The following COL23A1 variants were observed in gnomAD, a reference collection of about 807,000 sequenced individuals.
COL23A1 encodes collagen type XXIII alpha 1 chain.
Under a neutral mutation model 99.3 loss-of-function variants are expected in COL23A1, and 97 were observed. The observed-to-expected ratio is 0.98, with a 90% CI of 0.83 to 1.16. The LOEUF (loss-of-function observed/expected upper bound fraction) is 1.16, where lower values mean the gene tolerates loss of function less well. Among genes scored for constraint, COL23A1 ranks in the 50% most tolerant of loss-of-function variants. COL23A1 has a pLI of 0.00. For missense variants in COL23A1, 762 were observed against 757.4 expected (o/e 1.01, Z -0.07); for synonymous variants, 320 against 308.2 (o/e 1.04, Z -0.40).
intron 2 of COL23A1, among the ~76,000 whole-genome samples, chr5:178,369,202 G>C (rs2910116): frequency 0.046 from 6,953 of 152,212 alleles, 161 homozygotes; most frequent in Middle Eastern, 0.075. Context: ...TGTGTATCTT[G>C]TCCTGTCCAG....
chr5:178,586,064 C>T (rs11952857), intron 1 of COL23A1, among the ~76,000 whole-genome samples: 4,098 of 152,290 alleles, frequency 0.027, 122 homozygotes, highest in African/African-American at 0.069. Flanking sequence ...CATAGGTTCA[C>T]AGCTGCAGCA....
chr5:178,357,848 AATGTGT>A (rs905272667), intron 2 of COL23A1, among the ~76,000 whole-genome samples: 5 of 145,296 alleles, frequency 3.4e-5, no homozygotes, highest in East Asian at 4.1e-4. Flanking sequence ...GTGTATGTCT[AATGTGT>A]ATGTGTATGT....
At chr5:178,296,604 G>A (rs1476378133) in intron 3 of COL23A1, among the ~76,000 whole-genome samples, 3 of 152,076 alleles carry the variant, frequency 2.0e-5, no homozygotes, top group African/African-American at 7.2e-5. Context: ...TGTGTACTGA[G>A]CTTCCCCAGA....
intron 2 of COL23A1, among the ~76,000 whole-genome samples, chr5:178,450,196 G>C (rs1182172956): frequency 6.6e-6 from 1 of 152,210 alleles, no homozygotes; most frequent in Non-Finnish European, 1.5e-5. Flanking sequence ...ACCTGGTGTA[G>C]GTGAGAAGTG....
intron 2 of COL23A1, among the ~76,000 whole-genome samples, chr5:178,514,785 G>A (rs1013859506): frequency 2.6e-5 from 4 of 152,204 alleles, no homozygotes; most frequent in East Asian, 1.9e-4. Flanking sequence ...AACTAGTCAC[G>A]TTTTCCCAGG....
At chr5:178,336,762 T>TAA (rs1760343358) in intron 2 of COL23A1, among the ~76,000 whole-genome samples, 1 of 152,250 alleles carries the variant, frequency 6.6e-6, no homozygotes, top group Non-Finnish European at 1.5e-5. Flanking sequence ...AGAATCCAGC[T>TAA]AATAGTTCGT....
intron 2 of COL23A1, among the ~76,000 whole-genome samples, chr5:178,484,229 T>A (rs1340327835): frequency 2.0e-5 from 3 of 152,148 alleles, no homozygotes; most frequent in African/African-American, 7.2e-5. Flanking sequence ...CAACCAAGAT[T>A]TTCAAAAGAA....
intron 2 of COL23A1, among the ~76,000 whole-genome samples, chr5:178,444,078 T>C (rs921181266): frequency 6.6e-6 from 1 of 152,106 alleles, no homozygotes; most frequent in East Asian, 1.9e-4. Context: ...GGCACATTCC[T>C]GTCTGTAGTC....
At chr5:178,506,064 C>T (rs571345204) in intron 2 of COL23A1, among the ~76,000 whole-genome samples, 71 of 152,256 alleles carry the variant, frequency 4.7e-4, no homozygotes, top group Admixed American at 1.4e-3. Context: ...GCAGCAGAGC[C>T]GGTGAAGCAC....
intron 2 of COL23A1, among the ~76,000 whole-genome samples, chr5:178,405,781 T>C (rs147241799): frequency 1.3e-5 from 2 of 152,282 alleles, no homozygotes; most frequent in Non-Finnish European, 2.9e-5. Flanking sequence ...TGGAAGAATA[T>C]AGTAAAGAGA....
intron 2 of COL23A1, among the ~76,000 whole-genome samples, chr5:178,403,136 A>AAAAAAAAAAAAAAAAAAAAAAAAAAAAC (rs1764560519): frequency 6.9e-6 from 1 of 145,684 alleles, no homozygotes; most frequent in Non-Finnish European, 1.5e-5. Context: ...ATAAATAAAA[A>AAAAAAAAAAAAAAAAAAAAAAAAAAAAC]ATAAATACCA....
intron 25 of COL23A1, among the ~76,000 whole-genome samples, chr5:178,245,343 T>TC: frequency 1.4e-5 from 2 of 138,624 alleles, no homozygotes; most frequent in Admixed American, 1.4e-4. Flanking sequence ...CATCCATCCA[T>TC]CATTCATCTA....
At chr5:178,576,985 G>T (rs1763400995) in intron 1 of COL23A1, among the ~76,000 whole-genome samples, 1 of 151,948 alleles carries the variant, frequency 6.6e-6, no homozygotes, top group Admixed American at 6.5e-5. Flanking sequence ...CGCCCGGGGA[G>T]CGGCCCCTCC....
intron 2 of COL23A1, among the ~76,000 whole-genome samples, chr5:178,500,801 T>C (rs962317486): frequency 3.9e-5 from 6 of 151,914 alleles, no homozygotes; most frequent in African/African-American, 1.5e-4. Flanking sequence ...AAGAAAATGT[T>C]CCTTAAACAA....
intron 2 of COL23A1, chr5:178,350,736 C>T (rs1761274679): frequency 6.6e-6 from 1 of 152,306 alleles, no homozygotes; most frequent in African/African-American, 2.4e-5. Flanking sequence ...CTGTGCCAGC[C>T]CGTTAGGCCC....
At chr5:178,266,999 G>A (rs1349547486) in intron 8 of COL23A1, among the ~76,000 whole-genome samples, 1 of 152,126 alleles carries the variant, frequency 6.6e-6, no homozygotes, top group Non-Finnish European at 1.5e-5. Context: ...CTCTTTTTGG[G>A]GTGCCAGCTG....
At chr5:178,520,125 T>G (rs916898738) in intron 2 of COL23A1, among the ~76,000 whole-genome samples, 1 of 152,048 alleles carries the variant, frequency 6.6e-6, no homozygotes, top group African/African-American at 2.4e-5. Flanking sequence ...AATGGATGGA[T>G]GGATGCATCT....
chr5:178,271,672 T>C (rs1026162405), intron 5 of COL23A1, among the ~76,000 whole-genome samples: 1 of 152,174 alleles, frequency 6.6e-6, no homozygotes, highest in African/African-American at 2.4e-5. Flanking sequence ...GCAAGAACGA[T>C]AATGCTGCAA....
chr5:178,402,862 A>G (rs1764523516), intron 2 of COL23A1, among the ~76,000 whole-genome samples: 1 of 152,152 alleles, frequency 6.6e-6, no homozygotes, highest in South Asian at 2.1e-4. Context: ...AAATTCAGAA[A>G]TAGAATTAAA....
Sources: allele counts gnomAD v4.1 joint callset (sites outside exome capture counted in the v4.1 genomes callset), GRCh38; gene constraint gnomAD v4.1.1; transcripts MANE v1.5; gene names NCBI Gene and HGNC (gene_info 2026-07-23, HGNC 2026-07-21).